CACNA1B: variants seen among roughly 807,000 people sequenced by gnomAD.
CACNA1B encodes the protein voltage-dependent N-type calcium channel subunit alpha-1B.
CACNA1B carries 70 observed loss-of-function variants against 247.2 expected under a neutral mutation model. The ratio of observed to expected loss-of-function variants is 0.28; its 90% confidence interval spans 0.23 to 0.35. CACNA1B has a LOEUF of 0.35. Among genes scored for constraint, CACNA1B ranks in the 10% least tolerant of loss-of-function variants. The pLI is 1.00. For missense variants in CACNA1B, 2,367 were observed against 3,197.4 expected (o/e 0.74, Z 6.26); for synonymous variants, 1,231 against 1,294.4 (o/e 0.95, Z 1.05).
At chr9:138,009,004 C>T (rs916185499) in intron 16 of CACNA1B, among the ~76,000 whole-genome samples, 8 of 152,216 alleles carry the variant, frequency 5.3e-5, no homozygotes, top group African/African-American at 1.4e-4. Flanking sequence ...AAGTCACAGT[C>T]GGGGTCCTGA....
At chr9:137,927,626 A>C (rs1361848728) in intron 6 of CACNA1B, among the ~76,000 whole-genome samples, 1 of 152,218 alleles carries the variant, frequency 6.6e-6, no homozygotes, top group Non-Finnish European at 1.5e-5. Flanking sequence ...GCCTTATGGC[A>C]CTGGCTAGAA....
intron 10 of CACNA1B, among the ~76,000 whole-genome samples, chr9:137,968,261 C>T (rs1048299007): frequency 6.6e-6 from 1 of 152,188 alleles, no homozygotes; most frequent in African/African-American, 2.4e-5. Context: ...TCCACATTCT[C>T]AGCACTGCTT....
chr9:137,973,583 A>G lies in CACNA1B; in HGVS notation c.1543+1991A>G, dbSNP rs1193500736. Among the ~76,000 whole-genome samples the G allele has an allele frequency of 6.6e-6, 1 of 152,166 alleles. No homozygotes were observed. Among genetic ancestry groups the G allele is most frequent in the Non-Finnish European group, 1.5e-5 (1 of 68,032 alleles). ...ACTTGCTCACCCTCCCTCTGCTCCC[A>G]TAGCACACCATCCTCTTGGAAGACA... is the stretch of plus-strand genomic sequence containing the variant. On this transcript the variant is annotated intron_variant, in intron 11 of 46. Coordinates refer to ENST00000371372, the MANE Select transcript of CACNA1B (RefSeq NM_000718.4). This position sits in a 1 kb window ranked among gnomAD's most constrained non-coding sequence, Gnocchi z 4.1.
At chr9:138,036,051 C>T (rs568725941) in intron 20 of CACNA1B, among the ~76,000 whole-genome samples, 5 of 151,862 alleles carry the variant, frequency 3.3e-5, no homozygotes, top group Non-Finnish European at 5.9e-5. Flanking sequence ...TCTGTTATTC[C>T]TTTTCATATT....
chr9:138,002,272 G>T (rs1820253674), intron 15 of CACNA1B, among the ~76,000 whole-genome samples: 2 of 152,132 alleles, frequency 1.3e-5, no homozygotes, highest in Admixed American at 6.5e-5. Context: ...AGGAAGGATG[G>T]ACTATTCAAA....
intron 1 of CACNA1B, among the ~76,000 whole-genome samples, chr9:137,878,795 C>A (rs1956873761): frequency 6.6e-6 from 1 of 152,180 alleles, no homozygotes; most frequent in African/African-American, 2.4e-5. Context: ...GAGGCGCTGT[C>A]CGCGGTGCTG....
intron 31 of CACNA1B, among the ~76,000 whole-genome samples, chr9:138,067,439 G>A (rs1346353402): frequency 2.6e-5 from 4 of 152,224 alleles, no homozygotes; most frequent in Admixed American, 2.0e-4. Flanking sequence ...AATGGCCCAG[G>A]CCTATAATCC....
intron 3 of CACNA1B, among the ~76,000 whole-genome samples, chr9:137,912,016 C>G (rs187551472): frequency 8.4e-4 from 128 of 152,252 alleles, no homozygotes; most frequent in Non-Finnish European, 8.8e-5. Flanking sequence ...TGTGATGTAA[C>G]AACTCTGAAC....
rs745547127 is a variant in CACNA1B at position 138,043,920 on chromosome 9, G to GGT, written c.3413+28_3413+29dup. ...CAACCTGTGAGTCTCCTTGCCTGCT[G>GGT]GTGTGTGTGGCCGCCCACTCACCCA... On this transcript the variant is annotated intron_variant, in intron 21 of 46. Transcript: ENST00000371372. The GGT allele has an allele frequency of 6.2e-7, 1 of 1,609,772 alleles. No individual in the cohort carries two copies. The highest frequency in any genetic ancestry group is 2.2e-5 in the East Asian group (1 of 44,754).
chr9:138,097,751 C>T (rs1482242322), intron 37 of CACNA1B, among the ~76,000 whole-genome samples: 2 of 152,152 alleles, frequency 1.3e-5, no homozygotes, highest in Non-Finnish European at 2.9e-5. Context: ...GGGGGAGGGC[C>T]GGCAGGACGT....
chr9:138,096,742 G>C, intron 37 of CACNA1B, 131 bp downstream of exon 37: 1 of 776,930 alleles, frequency 1.3e-6, no homozygotes, highest in Non-Finnish European at 2.0e-6. Context: ...CTAGGGATCT[G>C]TCCTGTTTCG....
chr9:138,112,356 C>T, intron 39 of CACNA1B, 42 bp from the exon 40 acceptor site: 1 of 1,466,218 alleles, frequency 6.8e-7, no homozygotes, highest in Non-Finnish European at 9.6e-7. Flanking sequence ...CTGCTCCTAA[C>T]ATCTCTGTCT....
chr9:138,089,198 A>G (rs756901471), intron 36 of CACNA1B, among the ~76,000 whole-genome samples: 5 of 152,084 alleles, frequency 3.3e-5, no homozygotes, highest in African/African-American at 4.8e-5. Context: ...AAAAAACACT[A>G]GAAAGAAAAA....
At chr9:137,949,200 GTGTC>G (rs1161966480) in intron 6 of CACNA1B, among the ~76,000 whole-genome samples, 5 of 151,548 alleles carry the variant, frequency 3.3e-5, no homozygotes, top group African/African-American at 1.2e-4. Context: ...TGGTGTATGT[GTGTC>G]TGGTATGTGT....
chr9:138,096,461 C>A, intron 36 of CACNA1B, 23 bp from the exon 37 acceptor site: 1 of 1,610,524 alleles, frequency 6.2e-7, no homozygotes, highest in Non-Finnish European at 8.5e-7. Flanking sequence ...TCTCCGTCAC[C>A]TGTTCTCCTT....
intron 36 of CACNA1B, among the ~76,000 whole-genome samples, chr9:138,089,373 C>T (rs1041188991): frequency 2.0e-5 from 3 of 152,028 alleles, no homozygotes; most frequent in African/African-American, 7.2e-5. Context: ...CATAAGTAAA[C>T]CAGTAATCAA....
At chr9:137,992,367 C>T (rs1455554782) in intron 15 of CACNA1B, among the ~76,000 whole-genome samples, 1 of 152,114 alleles carries the variant, frequency 6.6e-6, no homozygotes, top group Non-Finnish European at 1.5e-5. Flanking sequence ...TGATAAAAAG[C>T]CTTGTCCAAC....
rs1958878662 is a variant in CACNA1B at position 138,023,574 on chromosome 9, G to A, written c.2831G>A (p.Ser944Asn). The change falls in exon 19 of 47, where the codon AGC (serine) becomes AAC (asparagine). Residue 944 changes from serine (S) to asparagine (N), a missense_variant. By Grantham distance (46) the Ser-to-Asn change is conservative (BLOSUM62 1). Coordinates refer to ENST00000371372, the MANE Select transcript of CACNA1B (RefSeq NM_000718.4). ...RHRAHRHQDP[S>N]KECAGAKGER... ...CGCGCGCACCGGCACCAGGATCCGA[G>A]CAAGGAGTGCGCCGGCGCCAAGGGC... 13 of 1,086,150 alleles carry A rather than the reference G, an allele frequency of 1.2e-5. No homozygotes were observed. The highest frequency in any genetic ancestry group is 1.5e-5 in the Non-Finnish European group (13 of 890,384). 67.3% of individuals were successfully genotyped at this position (1,086,150 alleles called of 1,614,324 possible). A position where few individuals can be genotyped will look rare whatever the true frequency, so the allele number is the denominator to read the frequency against.
intron 6 of CACNA1B, among the ~76,000 whole-genome samples, chr9:137,931,551 C>G (rs1258535509): frequency 6.6e-6 from 1 of 152,030 alleles, no homozygotes; most frequent in African/African-American, 2.4e-5. Context: ...ACCCTATTCT[C>G]CTGCCTCATT....
Sources: allele counts gnomAD v4.1 joint callset (sites outside exome capture counted in the v4.1 genomes callset), GRCh38; gene constraint gnomAD v4.1.1; non-coding constraint Gnocchi (gnomAD v3.1); transcripts MANE v1.5; gene names NCBI Gene and HGNC (gene_info 2026-07-23, HGNC 2026-07-21).